F13A1: variants seen among roughly 807,000 people sequenced by gnomAD.
F13A1 encodes the protein FSF, A subunit.
F13A1 carries 47 observed loss-of-function variants against 80.1 expected under a neutral mutation model. The ratio of observed to expected loss-of-function variants is 0.59; its 90% CI spans 0.46 to 0.75. The LOEUF is 0.75. Among genes scored for constraint, F13A1 ranks in the 30% least tolerant of loss-of-function variants. The pLI is 0.00. For missense variants in F13A1, 817 were observed against 930.4 expected (o/e 0.88, Z 1.59); for synonymous variants, 349 against 344.9 (o/e 1.01, Z -0.13).
chr6:6,174,409 A>AAAAG (rs1554098806), intron 12 of F13A1, among the ~76,000 whole-genome samples, 171 bp downstream of exon 12: 4 of 151,806 alleles, frequency 2.6e-5, no homozygotes, highest in African/African-American at 7.3e-5. Flanking sequence ...AAATAAAAAA[A>AAAAG]AAGAAAGTGG....
intron 8 of F13A1, among the ~76,000 whole-genome samples, chr6:6,201,426 G>A (rs114470685): frequency 4.6e-5 from 7 of 152,158 alleles, no homozygotes; most frequent in Non-Finnish European, 1.0e-4. Context: ...TCCCAGTAGG[G>A]CTGGGCCTCC....
chr6:6,201,985 T>A (rs1190036452), intron 8 of F13A1, among the ~76,000 whole-genome samples: 1 of 152,208 alleles, frequency 6.6e-6, no homozygotes, highest in African/African-American at 2.4e-5. Flanking sequence ...TATAATTGTA[T>A]ATATTATAGG....
intron 3 of F13A1, among the ~76,000 whole-genome samples, chr6:6,297,813 T>A (rs1349150830): frequency 1.3e-5 from 2 of 150,292 alleles, no homozygotes; most frequent in African/African-American, 5.0e-5. Context: ...TTGCTCTTGC[T>A]TTTCTAGTTC....
At chr6:6,223,157 T>A (rs974548538) in intron 7 of F13A1, among the ~76,000 whole-genome samples, 9 of 152,244 alleles carry the variant, frequency 5.9e-5, no homozygotes, top group Non-Finnish European at 1.2e-4. Context: ...GGGCACCTGT[T>A]CCTCCTTCCC....
At chr6:6,316,154 T>C (rs1758683300) in intron 2 of F13A1, among the ~76,000 whole-genome samples, 1 of 113,716 alleles carries the variant, frequency 8.8e-6, no homozygotes, top group African/African-American at 3.3e-5. Context: ...GTTTTTTTCC[T>C]GTCCTTCTCA....
intron 4 of F13A1, among the ~76,000 whole-genome samples, chr6:6,256,170 C>T (rs907019258): frequency 1.3e-5 from 2 of 152,062 alleles, no homozygotes; most frequent in African/African-American, 4.8e-5. Context: ...GAAAAACAAA[C>T]TAACAAACAA....
intron 8 of F13A1, among the ~76,000 whole-genome samples, chr6:6,221,241 A>AG (rs1278273601): frequency 6.6e-6 from 1 of 152,104 alleles, no homozygotes; most frequent in African/African-American, 2.4e-5. Context: ...ATTTGGACTT[A>AG]GGGGGTCTCA....
chr6:6,195,701 A>G (rs542717136), intron 10 of F13A1, 96 bp downstream of exon 10: 3 of 1,093,028 alleles, frequency 2.7e-6, no homozygotes, highest in South Asian at 1.3e-5. Flanking sequence ...TACGCTATGT[A>G]CCTGGAAAAC....
At chr6:6,164,186 A>G (rs906337135) in intron 13 of F13A1, among the ~76,000 whole-genome samples, 34 of 151,490 alleles carry the variant, frequency 2.2e-4, no homozygotes, top group Admixed American at 5.3e-4. Context: ...CAAGCATATG[A>G]AAAAAAAAGC....
intron 13 of F13A1, among the ~76,000 whole-genome samples, chr6:6,152,463 A>T (rs1418342607): frequency 1.3e-5 from 2 of 152,200 alleles, no homozygotes; most frequent in Admixed American, 1.3e-4. Flanking sequence ...ATACTAAAAT[A>T]AGTAAAGGAG....
chr6:6,257,637 T>C (rs929064826), intron 4 of F13A1, among the ~76,000 whole-genome samples: 2 of 152,226 alleles, frequency 1.3e-5, no homozygotes, highest in African/African-American at 2.4e-5. Flanking sequence ...CTCAGGCTAC[T>C]GCCATTCATC....
rs182113971 is a variant in F13A1, at chr6:6,221,525, T to C, written c.1112+508A>G. Among the ~76,000 whole-genome samples the C allele has an allele frequency of 7.7e-4, 118 of 152,372 alleles. 1 individual carries two copies. Among genetic ancestry groups the C allele is most frequent in the African/African-American group, 1.9e-3 (80 of 41,598 alleles). On this transcript the variant is annotated intron_variant, in intron 8 of 14. Transcript: ENST00000264870. ...TCCCAGCTCAACAGATGTATGACCG[T>C]GAGCAAGCCTTTTTGGGCCTCAGTT...
intron 8 of F13A1, among the ~76,000 whole-genome samples, chr6:6,199,049 GTGTT>G (rs1178538265): frequency 6.6e-6 from 1 of 152,204 alleles, no homozygotes; most frequent in Non-Finnish European, 1.5e-5. Flanking sequence ...GGAGCATAGC[GTGTT>G]TGAACATTCA....
chr6:6,207,617 T>G (rs1761518841), intron 8 of F13A1, among the ~76,000 whole-genome samples: 1 of 152,218 alleles, frequency 6.6e-6, no homozygotes, highest in Non-Finnish European at 1.5e-5. Context: ...TCATCTCTGG[T>G]TGATCTTGAG....
At chr6:6,312,241 G>C (rs891649398) in intron 2 of F13A1, among the ~76,000 whole-genome samples, 4 of 151,376 alleles carry the variant, frequency 2.6e-5, no homozygotes, top group African/African-American at 9.7e-5. Flanking sequence ...CTTTTTCTAA[G>C]TGATCTTTTG....
intron 6 of F13A1, among the ~76,000 whole-genome samples, chr6:6,246,407 A>G (rs1401094153): frequency 1.3e-5 from 2 of 152,226 alleles, no homozygotes; most frequent in Non-Finnish European, 2.9e-5. Flanking sequence ...ACCATTGAAT[A>G]TTTTGTGTAT....
At chr6:6,174,892 C>T (rs1399986430) in intron 11 of F13A1, 25 bp from the exon 12 acceptor site, 9 of 1,613,856 alleles carry the variant, frequency 5.6e-6, no homozygotes, top group Non-Finnish European at 7.6e-6. Flanking sequence ...GAGATAATGA[C>T]AGGCAAAAAT....
chr6:6,202,501 C>T (rs1482868), intron 8 of F13A1, among the ~76,000 whole-genome samples: 50,239 of 151,990 alleles, frequency 0.33, 8,605 homozygotes, highest in South Asian at 0.44. Context: ...CTTATTAAAC[C>T]TTTGCTTGTT....
intron 6 of F13A1, among the ~76,000 whole-genome samples, chr6:6,231,963 A>G (rs573219888): frequency 1.4e-4 from 22 of 152,346 alleles, no homozygotes; most frequent in Non-Finnish European, 2.2e-4. Context: ...AAACACATCA[A>G]AACAGAACTT....
Sources: gnomAD v4.1 joint callset for allele counts (sites outside exome capture counted in the v4.1 genomes callset) on GRCh38, gnomAD v4.1.1 for gene constraint, MANE v1.5 for transcripts, NCBI Gene and HGNC (gene_info 2026-07-23, HGNC 2026-07-21) for gene names.